ZNF652: variants seen among roughly 807,000 people sequenced by gnomAD.
ZNF652 encodes the protein zinc finger protein 652.
ZNF652 carries 16 observed loss-of-function variants against 45.2 expected under a neutral mutation model. The ratio of observed to expected loss-of-function variants is 0.35; its 90% CI spans 0.24 to 0.54. The LOEUF is 0.54. Among genes scored for constraint, ZNF652 ranks in the 20% least tolerant of loss-of-function variants. ZNF652 has a pLI of 0.91. For synonymous variants in ZNF652, 250 were observed against 260.6 expected (o/e 0.96, Z 0.39); for missense variants, 614 against 765.6 (o/e 0.80, Z 2.34).
intron 5 of ZNF652, among the ~76,000 whole-genome samples, chr17:49,305,599 A>G (rs1210782938): frequency 6.6e-6 from 1 of 152,224 alleles, no homozygotes; most frequent in Non-Finnish European, 1.5e-5. Context: ...AAGTGCTTAC[A>G]ACAGTATCTG....
chr17:49,353,030 T>C (rs1001490881), intron 1 of ZNF652, among the ~76,000 whole-genome samples: 7 of 152,312 alleles, frequency 4.6e-5, no homozygotes, highest in African/African-American at 1.7e-4. Context: ...CTGTTCCGTG[T>C]CCTGGCTGTG....
intron 1 of ZNF652, among the ~76,000 whole-genome samples, chr17:49,333,120 C>T (rs1044487121): frequency 8.6e-5 from 13 of 151,474 alleles, no homozygotes; most frequent in South Asian, 2.1e-4. Context: ...TGCAGTGGCG[C>T]GATCTCAGCT....
chr17:49,321,175 G>A (rs2069886645), intron 1 of ZNF652, among the ~76,000 whole-genome samples: 1 of 152,188 alleles, frequency 6.6e-6, no homozygotes, highest in South Asian at 2.1e-4. Flanking sequence ...TTCTGGCACA[G>A]TGGCTAGCAA....
At chr17:49,312,609 A>C in intron 3 of ZNF652, 89 bp downstream of exon 3, 1 of 1,428,250 alleles carries the variant, frequency 7.0e-7, no homozygotes, top group East Asian at 2.3e-5. Flanking sequence ...GATTAGGGCA[A>C]TTCCTCATAT....
chr17:49,356,137 A>G (rs1315935064), intron 1 of ZNF652, among the ~76,000 whole-genome samples: 3 of 151,852 alleles, frequency 2.0e-5, no homozygotes, highest in South Asian at 4.2e-4. Flanking sequence ...TTAAAATGTG[A>G]TATTACAGGG....
At chr17:49,303,920 G>C (rs1385207286) in intron 5 of ZNF652, among the ~76,000 whole-genome samples, 2 of 151,038 alleles carry the variant, frequency 1.3e-5, no homozygotes, top group Admixed American at 6.6e-5. Flanking sequence ...ACACAGTCTC[G>C]CTCAGTCACC....
chr17:49,327,079 A>T (rs930379105), intron 1 of ZNF652, among the ~76,000 whole-genome samples: 1 of 152,174 alleles, frequency 6.6e-6, no homozygotes, highest in Non-Finnish European at 1.5e-5. Context: ...TTCTACTCTG[A>T]TTTACAAAAA....
intron 5 of ZNF652, among the ~76,000 whole-genome samples, chr17:49,303,111 G>A (rs1010205444): frequency 6.6e-6 from 1 of 152,116 alleles, no homozygotes. Flanking sequence ...CAGATTGCTT[G>A]AGCCAGGAGT....
chr17:49,312,201 T>A (rs566785760), intron 3 of ZNF652, among the ~76,000 whole-genome samples, 159 bp from the exon 4 acceptor site: 23 of 142,500 alleles, frequency 1.6e-4, no homozygotes, highest in Non-Finnish European at 3.3e-4. Flanking sequence ...AGTCTTGCTC[T>A]GTCGCACAGG....
rs188993594 is a variant in ZNF652, at chr17:49,289,340, T to A, written c.*9073A>T. ...ACCAGAGTCTCACAAGAATAAAATA[T>A]ACAATGCTACATTGAGTGGTTAAAA... On this transcript the variant is annotated 3_prime_UTR_variant, in exon 6 of 6. Transcript: ENST00000430262. The A allele has an allele frequency of 1.3e-5, 2 of 151,964 alleles. No homozygotes were observed. The highest frequency in any genetic ancestry group is 3.9e-4 in the East Asian group (2 of 5,178). The allele number at this position is 151,964 out of a possible 1,614,324, so 9.4% of individuals were successfully genotyped here. A position where few individuals can be genotyped will look rare whatever the true frequency, so the allele number is the denominator to read the frequency against.
intron 1 of ZNF652, among the ~76,000 whole-genome samples, chr17:49,343,908 A>T (rs1451830880): frequency 6.6e-6 from 1 of 152,058 alleles, no homozygotes; most frequent in Non-Finnish European, 1.5e-5. Flanking sequence ...CTTAAAAATT[A>T]GCTAGGCCGG....
At chr17:49,302,722 G>C (rs1354123970) in intron 5 of ZNF652, among the ~76,000 whole-genome samples, 4 of 152,124 alleles carry the variant, frequency 2.6e-5, no homozygotes, top group Non-Finnish European at 5.9e-5. Flanking sequence ...AGCACTTTAG[G>C]AGGCTGAGGC....
At chr17:49,330,916 C>CA (rs1371814839) in intron 1 of ZNF652, among the ~76,000 whole-genome samples, 7 of 150,140 alleles carry the variant, frequency 4.7e-5, no homozygotes, top group South Asian at 2.1e-4. Flanking sequence ...AAACAAAAAC[C>CA]AAAAAACAAA....
At chr17:49,312,964 G>A in intron 2 of ZNF652, 119 bp from the exon 3 acceptor site, 1 of 960,404 alleles carries the variant, frequency 1.0e-6, no homozygotes, top group Non-Finnish European at 1.5e-6. Context: ...CCAGATAAGT[G>A]CTATTCTTCC....
chr17:49,311,538 A>G (rs2069711925), intron 4 of ZNF652, 82 bp from the exon 5 acceptor site: 1 of 1,407,344 alleles, frequency 7.1e-7, no homozygotes, highest in Non-Finnish European at 9.5e-7. Context: ...CTCTGATACT[A>G]GGCTTATTTT....
At chr17:49,318,907 A>C (rs577910903) in intron 1 of ZNF652, among the ~76,000 whole-genome samples, 5 of 152,326 alleles carry the variant, frequency 3.3e-5, no homozygotes, top group African/African-American at 1.2e-4. Context: ...AATTGTTTTC[A>C]GGTTTATTGG....
At chr17:49,304,161 A>G (rs527279057) in intron 5 of ZNF652, among the ~76,000 whole-genome samples, 1 of 151,010 alleles carries the variant, frequency 6.6e-6, no homozygotes, top group South Asian at 2.1e-4. Flanking sequence ...CAGCCTCCCA[A>G]AGTGCTGGGA....
At chr17:49,304,055 A>ATTTTTTTTTTTTTT (rs58790188) in intron 5 of ZNF652, among the ~76,000 whole-genome samples, 54 of 117,412 alleles carry the variant, frequency 4.6e-4, no homozygotes, top group South Asian at 6.0e-4. Flanking sequence ...TGCCTGGCTA[A>ATTTTTTTTTTTTTT]TTTTTTTTTT....
At chr17:49,355,055 A>G (rs924327288) in intron 1 of ZNF652, among the ~76,000 whole-genome samples, 1 of 152,180 alleles carries the variant, frequency 6.6e-6, no homozygotes, top group African/African-American at 2.4e-5. Context: ...GCATGGCTAC[A>G]TACAATTACA....
Sources: gnomAD v4.1 joint callset for allele counts (sites outside exome capture counted in the v4.1 genomes callset) on GRCh38, gnomAD v4.1.1 for gene constraint, MANE v1.5 for transcripts, NCBI Gene and HGNC (gene_info 2026-07-23, HGNC 2026-07-21) for gene names.